SINHCAF: variants seen among roughly 807,000 people sequenced by gnomAD.
The protein encoded by SINHCAF is SIN3-HDAC complex-associated factor.
SINHCAF carries 3 observed loss-of-function variants against 25.8 expected under a neutral mutation model. That is an observed-to-expected ratio of 0.12 (90% CI 0.05 to 0.30). SINHCAF has a LOEUF of 0.30. SINHCAF is among the 10% of genes least tolerant of loss of function. SINHCAF has a pLI of 1.00. For missense variants in SINHCAF, 121 were observed against 262.3 expected, an observed-to-expected ratio of 0.46 and a Z score of 3.72; for synonymous variants, 70 against 85.5, an observed-to-expected ratio of 0.82 and a Z score of 1.00.
chr12:31,310,002 G>A (rs1939202420), intron 1 of SINHCAF, among the ~76,000 whole-genome samples: 1 of 151,916 alleles, frequency 6.6e-6, no homozygotes, highest in African/African-American at 2.4e-5. Context: ...TTTTTGGTTT[G>A]CTTTCCCCAA....
rs1479351776 is a variant in SINHCAF at position 31,325,138 on chromosome 12, T to C, written c.-21+886A>G. The C allele has an allele frequency of 2.2e-6, 1 of 456,698 alleles. No individual in the cohort carries two copies. Among genetic ancestry groups the C allele is most frequent in the African/African-American group, 2.0e-5 (1 of 50,204 alleles). 28.3% of individuals were successfully genotyped at this position (456,698 alleles called of 1,614,324 possible). ...CGCCTCCATCTCCAGCCAAGTTGGC[T>C]TCCCTGGCCATCTTACAGCGCGGAC... On this transcript the variant is annotated intron_variant, in intron 1 of 5. Coordinates refer to ENST00000337682, the MANE Select transcript of SINHCAF (RefSeq NM_001135812.2). This position sits in a 1 kb window ranked among gnomAD's most constrained non-coding sequence, Gnocchi z 5.9.
intron 1 of SINHCAF, chr12:31,303,120 G>A (rs1481586893): frequency 1.3e-5 from 13 of 985,158 alleles, no homozygotes; most frequent in Non-Finnish European, 1.6e-5. Flanking sequence ...GCCTATTTAT[G>A]GGAGGTTCTA....
chr12:31,291,581 T>C (rs1327765858), intron 4 of SINHCAF, among the ~76,000 whole-genome samples: 9 of 152,264 alleles, frequency 5.9e-5, no homozygotes, highest in Admixed American at 5.2e-4. Context: ...CTGGCCAACA[T>C]GGCGAAACTC....
intron 1 of SINHCAF, chr12:31,304,252 A>G (rs774439670): frequency 7.2e-5 from 11 of 152,242 alleles, no homozygotes; most frequent in South Asian, 4.1e-4. Flanking sequence ...CTATTCATTC[A>G]TAATAGTTTG....
chr12:31,306,608 G>A (rs942238850), intron 1 of SINHCAF, among the ~76,000 whole-genome samples: 12 of 152,096 alleles, frequency 7.9e-5, no homozygotes, highest in African/African-American at 2.2e-4. Context: ...TCCAAGGATC[G>A]GACTGGTGTC....
At chr12:31,311,126 C>T (rs1371582407) in intron 1 of SINHCAF, among the ~76,000 whole-genome samples, 1 of 152,102 alleles carries the variant, frequency 6.6e-6, no homozygotes, top group Non-Finnish European at 1.5e-5. Flanking sequence ...CTTGGCCTCC[C>T]AAAGTGTCCG....
chr12:31,295,133 T>G, intron 3 of SINHCAF, 101 bp downstream of exon 3: 1 of 706,942 alleles, frequency 1.4e-6, no homozygotes, highest in East Asian at 2.7e-5. Context: ...CTTTTCAGAC[T>G]TTTCTACCCT....
At chr12:31,290,015 G>A (rs1212688375) in intron 4 of SINHCAF, among the ~76,000 whole-genome samples, 1 of 151,946 alleles carries the variant, frequency 6.6e-6, no homozygotes, top group East Asian at 1.9e-4. Flanking sequence ...TTTTAGCAGA[G>A]ACAAGGTCTC....
chr12:31,286,420 G>A (rs537283335), intron 5 of SINHCAF, among the ~76,000 whole-genome samples: 5 of 152,174 alleles, frequency 3.3e-5, no homozygotes, highest in African/African-American at 1.2e-4. Flanking sequence ...CCAACACTTT[G>A]GGAGGCTGAG....
chr12:31,295,225 TG>T lies in SINHCAF; in HGVS notation c.228+8del. 1.3e-6 allele frequency: 2 copies of T among 1,559,586 alleles called. No homozygotes were observed. Among genetic ancestry groups the T allele is most frequent in the Non-Finnish European group, 8.8e-7 (1 of 1,139,526 alleles). On this transcript the variant is annotated splice_region_variant and intron_variant, in intron 3 of 5. Transcript: ENST00000337682. ...AGGTATAATTGAGAAAAAAGAAAGATGGACTAACATGATTCCAGTTTTTTTT... is the reference window on the plus strand; with the variant it reads ...AGGTATAATTGAGAAAAAAGAAAGATGACTAACATGATTCCAGTTTTTTTT...
intron 1 of SINHCAF, among the ~76,000 whole-genome samples, chr12:31,314,259 C>T (rs1055143910): frequency 8.5e-5 from 13 of 152,058 alleles, no homozygotes; most frequent in Non-Finnish European, 1.9e-4. Flanking sequence ...GGCACAGTGG[C>T]TCACGCCTGT....
chr12:31,310,910 G>A (rs1360928626), intron 1 of SINHCAF, among the ~76,000 whole-genome samples: 1 of 143,774 alleles, frequency 7.0e-6, no homozygotes, highest in Non-Finnish European at 1.5e-5. Flanking sequence ...TCACTCTGTC[G>A]CCAGGCTGGA....
At chr12:31,298,997 T>C (rs1938663270) in intron 1 of SINHCAF, among the ~76,000 whole-genome samples, 1 of 151,346 alleles carries the variant, frequency 6.6e-6, no homozygotes, top group African/African-American at 2.4e-5. Flanking sequence ...GGGAGGCAAA[T>C]GTCCCAGAGA....
chr12:31,291,756 C>A (rs1938333646), intron 4 of SINHCAF, among the ~76,000 whole-genome samples: 2 of 149,018 alleles, frequency 1.3e-5, no homozygotes, highest in African/African-American at 5.0e-5. Flanking sequence ...GTTGACAGAG[C>A]AAGTTTGACT....
chr12:31,293,696 CT>C, intron 4 of SINHCAF, 108 bp downstream of exon 4: 1 of 972,100 alleles, frequency 1.0e-6, no homozygotes. Context: ...TTCCAGTGCT[CT>C]TTATAAAAAG....
In SINHCAF at chr12:31,295,234, A is replaced by G; in HGVS notation, c.228T>C (p.His76=). The G allele has an allele frequency of 6.3e-7, 1 of 1,596,828 alleles. No homozygotes were observed. Among genetic ancestry groups the G allele is most frequent in the Non-Finnish European group, 8.6e-7 (1 of 1,168,622 alleles). The change falls in exon 3 of 6, where the codon CAT becomes CAC. Residue 76 remains histidine, a splice_region_variant and synonymous_variant. Coordinates refer to ENST00000337682, the MANE Select transcript of SINHCAF (RefSeq NM_001135812.2). ...LPAGSKKNWN[H]VVDARAGPSL... is the part of the protein sequence containing the mutation. ...TGAGAAAAAAGAAAGATGGACTAAC[A>G]TGATTCCAGTTTTTTTTTGATCCTG...
At chr12:31,300,464 T>G (rs2137098571) in intron 1 of SINHCAF, among the ~76,000 whole-genome samples, 1 of 152,334 alleles carries the variant, frequency 6.6e-6, no homozygotes, top group South Asian at 2.1e-4. Flanking sequence ...TTGATAATAA[T>G]TTTAGTTAAA....
At chr12:31,283,534 T>C (rs949798292) in intron 5 of SINHCAF, among the ~76,000 whole-genome samples, 2 of 151,510 alleles carry the variant, frequency 1.3e-5, no homozygotes, top group Non-Finnish European at 2.9e-5. Flanking sequence ...ACCCAGGAAG[T>C]GGAGGTTGCA....
chr12:31,296,461 C>T (rs866619694), intron 2 of SINHCAF, among the ~76,000 whole-genome samples: 5 of 152,108 alleles, frequency 3.3e-5, no homozygotes, highest in African/African-American at 4.8e-5. Flanking sequence ...CCACCACACC[C>T]GGCCTGTGTA....
Sources: allele counts gnomAD v4.1 joint callset (sites outside exome capture counted in the v4.1 genomes callset), GRCh38; gene constraint gnomAD v4.1.1; non-coding constraint Gnocchi (gnomAD v3.1); transcripts MANE v1.5; gene names NCBI Gene and HGNC (gene_info 2026-07-23, HGNC 2026-07-21).